PTPRR: variants seen among roughly 807,000 people sequenced by gnomAD.
PTPRR encodes the protein receptor-type tyrosine-protein phosphatase R.
PTPRR carries 38 observed loss-of-function variants against 77.2 expected under a neutral mutation model. The ratio of observed to expected loss-of-function variants is 0.49; its 90% CI spans 0.38 to 0.65. The LOEUF (loss-of-function observed/expected upper bound fraction) is 0.65, where lower values mean the gene tolerates loss of function less well. PTPRR is among the 30% of genes least tolerant of loss of function. PTPRR has a pLI of 0.00. For synonymous variants in PTPRR, 299 were observed against 283.1 expected (o/e 1.06, Z -0.57); for missense variants, 744 against 799.2 (o/e 0.93, Z 0.83).
chr12:70,883,186 A>C (rs1224688892), intron 2 of PTPRR, among the ~76,000 whole-genome samples: 1 of 152,102 alleles, frequency 6.6e-6, no homozygotes, highest in Non-Finnish European at 1.5e-5. Flanking sequence ...GCTTGAACCC[A>C]GAAGGTGAAG....
chr12:70,654,425 A>G (rs1429140294), intron 13 of PTPRR, among the ~76,000 whole-genome samples: 1 of 152,124 alleles, frequency 6.6e-6, no homozygotes, highest in Non-Finnish European at 1.5e-5. Context: ...AAAAAATACA[A>G]AACTCAGCTG....
intron 12 of PTPRR, among the ~76,000 whole-genome samples, chr12:70,660,681 G>T (rs1171110579): frequency 1.3e-5 from 2 of 152,170 alleles, no homozygotes; most frequent in Non-Finnish European, 2.9e-5. Context: ...TAGGTCTCCT[G>T]TTCACTGAGC....
At chr12:70,811,060 T>G (rs1891799758) in intron 2 of PTPRR, among the ~76,000 whole-genome samples, 1 of 152,104 alleles carries the variant, frequency 6.6e-6, no homozygotes, top group African/African-American at 2.4e-5. Context: ...GACCGTAGGA[T>G]GTAGATTCCC....
intron 6 of PTPRR, among the ~76,000 whole-genome samples, chr12:70,702,947 A>G (rs1435875508): frequency 6.6e-6 from 1 of 151,986 alleles, no homozygotes; most frequent in African/African-American, 2.4e-5. Flanking sequence ...ATAAGTATCT[A>G]TCTGCACATA....
intron 2 of PTPRR, among the ~76,000 whole-genome samples, chr12:70,789,654 T>C (rs910031035): frequency 6.6e-6 from 1 of 152,132 alleles, no homozygotes; most frequent in African/African-American, 2.4e-5. Flanking sequence ...AACAAAAAAA[T>C]TAAGACATTA....
intron 2 of PTPRR, among the ~76,000 whole-genome samples, chr12:70,802,197 GAATT>G (rs1891628971): frequency 6.6e-6 from 1 of 152,138 alleles, no homozygotes; most frequent in Non-Finnish European, 1.5e-5. Flanking sequence ...AAGAATTATT[GAATT>G]ATTTATAAAA....
At chr12:70,703,533 A>C (rs771954165) in intron 6 of PTPRR, among the ~76,000 whole-genome samples, 39 of 152,198 alleles carry the variant, frequency 2.6e-4, no homozygotes, top group Admixed American at 9.2e-4. Flanking sequence ...ATGGACCAAG[A>C]ATTTAATCTA....
chr12:70,714,224 A>T (rs1325236620), intron 6 of PTPRR, among the ~76,000 whole-genome samples: 1 of 152,174 alleles, frequency 6.6e-6, no homozygotes, highest in Non-Finnish European at 1.5e-5. Context: ...TAATTCAAAG[A>T]AAACAATATC....
chr12:70,892,861 G>C lies in PTPRR; in HGVS notation c.175C>G (p.Gln59Glu). Reference sequence around the variant, plus strand: ...TGGTAGCTATGTCTGTAGATTTTTTGTGGGGCTATATCCAGGCTCTTCTCA... The same window carrying C: ...TGGTAGCTATGTCTGTAGATTTTTTCTGGGGCTATATCCAGGCTCTTCTCA... Reference protein sequence around the residue: ...DIEKSLDIAPQKIYRHSYHSS... With the variant: ...DIEKSLDIAPEKIYRHSYHSS... Residue 59 changes from glutamine to glutamate, a missense_variant, in exon 2 of 14, where the codon CAA (glutamine) becomes GAA (glutamate). By Grantham distance (29) the Gln-to-Glu change is conservative. Around this residue, in one of 3 missense-constraint regions of PTPRR, gnomAD observed 570 missense variants for 573.2 expected, o/e 0.99. Transcript: ENST00000283228. 1 of 1,613,524 alleles carries C rather than the reference G, an allele frequency of 6.2e-7. No individual in the cohort carries two copies.
chr12:70,775,155 C>A (rs1319878268), intron 2 of PTPRR, among the ~76,000 whole-genome samples: 1 of 152,026 alleles, frequency 6.6e-6, no homozygotes, highest in African/African-American at 2.4e-5. Flanking sequence ...TACATAAGAA[C>A]AATTGAGTAT....
At chr12:70,782,000 TATG>T (rs1891212723) in intron 2 of PTPRR, among the ~76,000 whole-genome samples, 1 of 152,214 alleles carries the variant, frequency 6.6e-6, no homozygotes, top group African/African-American at 2.4e-5. Context: ...CAGTTGTTGT[TATG>T]ATCAATTGAT....
intron 2 of PTPRR, among the ~76,000 whole-genome samples, chr12:70,832,797 G>A (rs1892237277): frequency 6.6e-6 from 1 of 152,100 alleles, no homozygotes; most frequent in Admixed American, 6.6e-5. Flanking sequence ...GGCTGTACAA[G>A]CATGGACCAG....
At chr12:70,698,671 AT>A (rs923424191) in intron 7 of PTPRR, among the ~76,000 whole-genome samples, 1 of 152,198 alleles carries the variant, frequency 6.6e-6, no homozygotes, top group African/African-American at 2.4e-5. Flanking sequence ...TAAAAAGTGA[AT>A]TTTTTTAAAA....
chr12:70,687,783 T>C (rs1887923742), intron 8 of PTPRR, among the ~76,000 whole-genome samples: 1 of 152,184 alleles, frequency 6.6e-6, no homozygotes, highest in Non-Finnish European at 1.5e-5. Context: ...CTCATCAGCA[T>C]GGAAATCTCT....
chr12:70,920,621 A>G lies in PTPRR; in HGVS notation c.-231T>C. The G allele has an allele frequency of 4.2e-6, 2 of 476,638 alleles. No homozygotes were observed. Among genetic ancestry groups the G allele is most frequent in the Admixed American group, 3.3e-5 (1 of 30,622 alleles). The allele number at this position is 476,638 out of a possible 1,614,324, so 29.5% of individuals were successfully genotyped here. On this transcript the variant is annotated 5_prime_UTR_variant, in exon 1 of 14. Coordinates refer to ENST00000283228, the MANE Select transcript of PTPRR (RefSeq NM_002849.4). ...GGAGGTTGCGGGTAAGGGGAACAGA[A>G]GCGCTCAGAGGCGGCAAATGCCTGG...
chr12:70,857,487 C>T (rs562423856), intron 2 of PTPRR, among the ~76,000 whole-genome samples: 1 of 152,094 alleles, frequency 6.6e-6, no homozygotes, highest in African/African-American at 2.4e-5. Flanking sequence ...AGGTGCCTGA[C>T]TTTGAGGCTG....
At chr12:70,765,679 T>C (rs1890801746) in intron 2 of PTPRR, among the ~76,000 whole-genome samples, 1 of 152,166 alleles carries the variant, frequency 6.6e-6, no homozygotes, top group Non-Finnish European at 1.5e-5. Flanking sequence ...AGCATGCAGC[T>C]GGAGATCTGA....
intron 10 of PTPRR, 80 bp from the exon 11 acceptor site, chr12:70,662,685 G>GAGTTTTATATCATT: frequency 1.4e-6 from 1 of 706,360 alleles, no homozygotes; most frequent in Non-Finnish European, 2.4e-6. Context: ...AGCATCTCAA[G>GAGTTTTATATCATT]AGTTTTATAT....
intron 2 of PTPRR, among the ~76,000 whole-genome samples, chr12:70,849,862 C>T (rs537053301): frequency 6.6e-6 from 1 of 152,122 alleles, no homozygotes; most frequent in African/African-American, 2.4e-5. Context: ...CTTTCTTGGC[C>T]AAGTAAGAGC....
Sources: allele counts gnomAD v4.1 joint callset (sites outside exome capture counted in the v4.1 genomes callset), GRCh38; gene constraint gnomAD v4.1.1; regional missense constraint gnomAD v4.1.1; transcripts MANE v1.5; gene names NCBI Gene and HGNC (gene_info 2026-07-23, HGNC 2026-07-21).